Variants in FAT1 observed in about 807,000 individuals in gnomAD.
FAT1 encodes the protein FAT atypical cadherin 1.
Under a neutral mutation model 329.8 loss-of-function variants are expected in FAT1, and 171 were observed. The observed-to-expected ratio is 0.52, with a 90% CI of 0.46 to 0.59. The LOEUF (loss-of-function observed/expected upper bound fraction) is 0.59. Among genes scored for constraint, FAT1 ranks in the 20% least tolerant of loss-of-function variants. The probability of loss-of-function intolerance (pLI) is 0.00; values close to 1 mark genes in which losing one functional copy is unlikely to be tolerated. For missense variants in FAT1, 5,672 were observed against 5,774.4 expected (o/e 0.98, Z 0.57); for synonymous variants, 2,233 against 2,228.6 (o/e 1.00, Z -0.06).
intron 3 of FAT1, among the ~76,000 whole-genome samples, chr4:186,651,800 G>C (rs532642980): frequency 7.9e-5 from 12 of 152,338 alleles, no homozygotes; most frequent in African/African-American, 2.9e-4. Context: ...TGAGCTCGGA[G>C]ATCTCCGCAG....
intron 13 of FAT1, 96 bp from the exon 14 acceptor site, chr4:186,611,871 T>A (rs1423765323): frequency 1.1e-6 from 1 of 906,170 alleles, no homozygotes; most frequent in African/African-American, 1.7e-5. Flanking sequence ...TCGCCCAGGC[T>A]GGAGTGCAGT....
Position 186,723,790 on chromosome 4 carries a change from G to C in FAT1, c.-145C>G, listed in dbSNP as rs2276925. On this transcript the variant is annotated 5_prime_UTR_variant, in exon 1 of 27. Coordinates refer to ENST00000441802, the MANE Select transcript of FAT1 (RefSeq NM_005245.4). ...CTCGCGCGTCCGCATGGTACCTGCCGCACGAGCCGCTCCCGCGCCCTCTCC... is the reference window on the plus strand; with the variant it reads ...CTCGCGCGTCCGCATGGTACCTGCCCCACGAGCCGCTCCCGCGCCCTCTCC... 1.4e-4 allele frequency: 19 copies of C among 137,592 alleles called. No individual in the cohort carries two copies. The highest frequency in any genetic ancestry group is 4.2e-4 in the Admixed American group (6 of 14,328). The allele number at this position is 137,592 out of a possible 1,614,324, so 8.5% of individuals were successfully genotyped here. A position where few individuals can be genotyped will look rare whatever the true frequency, so the allele number is the denominator to read the frequency against.
intron 24 of FAT1, chr4:186,597,409 C>A: frequency 1.7e-6 from 1 of 584,580 alleles, no homozygotes; most frequent in Non-Finnish European, 3.0e-6. Flanking sequence ...CATATCAAGC[C>A]AATATTAATG....
At chr4:186,608,831 C>T (rs556310380) in intron 16 of FAT1, among the ~76,000 whole-genome samples, 24 of 152,292 alleles carry the variant, frequency 1.6e-4, no homozygotes, top group African/African-American at 5.8e-4. Flanking sequence ...ATGCCTGTGT[C>T]CATGCAATTC....
chr4:186,706,784 G>A lies in FAT1; in HGVS notation c.3044C>T (p.Thr1015Ile), dbSNP rs2126683119. 6.2e-7 allele frequency: 1 copy of A among 1,614,034 alleles called. No individual in the cohort carries two copies. Among genetic ancestry groups the A allele is most frequent in the Non-Finnish European group, 8.5e-7 (1 of 1,179,908 alleles). Reference protein sequence around the residue: ...DKGKPVSLSSTCYVEVEVVDV... With the variant: ...DKGKPVSLSSICYVEVEVVDV... ...AACCACCTCAACTTCAACATAGCAA[G>A]TAGAAGACAGAGAAACTGGCTTTCC... The change falls in exon 2 of 27, where the codon ACT (threonine) becomes ATT (isoleucine). Residue 1015 changes from threonine to isoleucine, a missense_variant. Physicochemically the swap from Thr to Ile is moderately conservative, Grantham distance 89. Around this residue, in one of 2 missense-constraint regions of FAT1, gnomAD observed 3,966 missense variants for 3,915.2 expected, o/e 1.01. Transcript: ENST00000441802.
Position 186,636,049 on chromosome 4 carries a change from TGCC to T in FAT1, c.4156_4158del (p.Gly1386del), listed in dbSNP as rs1740801268. 1.2e-6 allele frequency: 2 copies of T among 1,613,868 alleles called. No homozygotes were observed. The highest frequency in any genetic ancestry group is 1.7e-6 in the Non-Finnish European group (2 of 1,179,896). ...CCAGTGATGTCAAACCAAAGGGGTATGCCAGGAGGCTCCACAGATATTACTCCA... is the reference window on the plus strand; with the variant it reads ...CCAGTGATGTCAAACCAAAGGGGTATAGGAGGCTCCACAGATATTACTCCA... On this transcript the variant is annotated inframe_deletion, in exon 6 of 27. Transcript: ENST00000441802.
chr4:186,662,772 A>G (rs1204682888), intron 3 of FAT1, among the ~76,000 whole-genome samples: 1 of 152,210 alleles, frequency 6.6e-6, no homozygotes, highest in South Asian at 2.1e-4. Context: ...GTGAAACCCT[A>G]CTAATGAGCA....
intron 2 of FAT1, among the ~76,000 whole-genome samples, chr4:186,682,639 T>C (rs1743283810): frequency 6.6e-6 from 1 of 152,182 alleles, no homozygotes. Flanking sequence ...TTTTAATGAT[T>C]TGTTTTTAAA....
chr4:186,614,650 G>GT (rs1376917166), intron 11 of FAT1, among the ~76,000 whole-genome samples: 2 of 152,154 alleles, frequency 1.3e-5, no homozygotes, highest in Non-Finnish European at 2.9e-5. Context: ...ATGAGAAAAC[G>GT]TAAGTACTAA....
At chr4:186,696,573 C>A (rs1744052502) in intron 2 of FAT1, among the ~76,000 whole-genome samples, 1 of 152,120 alleles carries the variant, frequency 6.6e-6, no homozygotes, top group African/African-American at 2.4e-5. Context: ...AGAGTAATGT[C>A]AAGCAGCCCT....
At position 186,619,355 on chromosome 4, in the gene FAT1, A is replaced by G. The variant is rs2126504688; in HGVS notation, c.7231T>C (p.Cys2411Arg). 1 of 1,614,054 alleles carries G rather than the reference A, an allele frequency of 6.2e-7. No homozygotes were observed. ...EHAPHGHFVT[C>R]VKAYDADSSD... The stretch of plus-strand genomic sequence containing the variant: ...CTGTCTGCATCATAGGCTTTTACAC[A>G]GGTCACGAAATGCCCATGAGGGGCG... The change falls in exon 10 of 27, where the codon TGT (cysteine) becomes CGT (arginine). Residue 2411 changes from cysteine to arginine, a missense_variant. Cys to Arg is a radical substitution (Grantham distance 180). Around this residue, in one of 2 missense-constraint regions of FAT1, gnomAD observed 3,966 missense variants for 3,915.2 expected, o/e 1.01. Transcript: ENST00000441802.
Position 186,709,743 on chromosome 4 carries a change from G to C in FAT1, c.85C>G (p.Gln29Glu), listed in dbSNP as rs372397939. The change falls in exon 2 of 27, where the codon CAG becomes GAG. Residue 29 changes from glutamine (Q) to glutamate (E), a missense_variant. By Grantham distance (29) the Gln-to-Glu change is conservative (BLOSUM62 2). Around this residue, in one of 2 missense-constraint regions of FAT1, gnomAD observed 3,966 missense variants for 3,915.2 expected, o/e 1.01. Transcript: ENST00000441802. ...AGGTGTGTAAACTGCAGAGGAGTCT[G>C]TTCAAGTCGTTGGCTGCCATCACTG... ...GDSDGSQRLE[Q>E]TPLQFTHLEY... 6.2e-7 allele frequency: 1 copy of C among 1,613,678 alleles called. No homozygotes were observed. The highest frequency in any genetic ancestry group is 8.5e-7 in the Non-Finnish European group (1 of 1,179,746).
At position 186,636,802 on chromosome 4, in the gene FAT1, A is replaced by C; in HGVS notation, c.3755T>G (p.Ile1252Ser). The C allele has an allele frequency of 6.2e-7, 1 of 1,613,806 alleles. No individual in the cohort carries two copies. The highest frequency in any genetic ancestry group is 1.6e-4 in the Middle Eastern group (1 of 6,062). Residue 1252 changes from isoleucine (I) to serine (S), a missense_variant, in exon 5 of 27, where the codon ATC (isoleucine) becomes AGC (serine). This residue lies in a region of FAT1 where 3,966 missense variants were observed against 3,915.2 expected (regional missense o/e 1.01). Transcript: ENST00000441802. ...KPQFLQKFYK[I>S]RLPEREKPDR... ...TGGCTTTTCCCGCTCAGGGAGTCTG[A>C]TTTTGTAGAACTTTTGCAGAAACTG...
At chr4:186,663,650 A>T (rs1388262680) in intron 2 of FAT1, 37 bp from the exon 3 acceptor site, 4 of 1,506,754 alleles carry the variant, frequency 2.7e-6, no homozygotes, top group Non-Finnish European at 3.6e-6. Context: ...GCAGCACATC[A>T]ACGACCAAAA....
chr4:186,632,678 G>T (rs1282827336), intron 7 of FAT1, among the ~76,000 whole-genome samples: 2 of 152,080 alleles, frequency 1.3e-5, no homozygotes, highest in African/African-American at 4.8e-5. Flanking sequence ...TTTGTAAATG[G>T]CTTTAAATTA....
At chr4:186,681,051 G>C (rs1743184388) in intron 2 of FAT1, among the ~76,000 whole-genome samples, 1 of 152,170 alleles carries the variant, frequency 6.6e-6, no homozygotes, top group Admixed American at 6.5e-5. Context: ...TCAATCACTG[G>C]TCAAGAGTAT....
At chr4:186,639,462 G>A (rs1027145711) in intron 4 of FAT1, among the ~76,000 whole-genome samples, 4 of 152,178 alleles carry the variant, frequency 2.6e-5, no homozygotes, top group Non-Finnish European at 4.4e-5. Flanking sequence ...CTGTGTGTGC[G>A]CAAGCATAAA....
intron 14 of FAT1, among the ~76,000 whole-genome samples, chr4:186,610,958 T>C (rs1283759556): frequency 2.0e-5 from 3 of 151,802 alleles, no homozygotes; most frequent in African/African-American, 7.3e-5. Context: ...GTCAACTTAA[T>C]ATATTATCAG....
At chr4:186,669,268 G>T (rs537235218) in intron 2 of FAT1, among the ~76,000 whole-genome samples, 263 of 152,308 alleles carry the variant, frequency 1.7e-3, no homozygotes, top group Non-Finnish European at 2.6e-3. Context: ...GCCAGATGCC[G>T]GGAGCAACAG....
Sources: gnomAD v4.1 joint callset for allele counts (sites outside exome capture counted in the v4.1 genomes callset) on GRCh38, gnomAD v4.1.1 for gene constraint, gnomAD v4.1.1 regional missense constraint, MANE v1.5 for transcripts, NCBI Gene and HGNC (gene_info 2026-07-23, HGNC 2026-07-21) for gene names.